Variants in OR9Q1 observed in about 807,000 individuals in gnomAD.
OR9Q1 encodes the protein olfactory receptor 9Q1.
For synonymous variants in OR9Q1, 153 were observed against 148.6 expected, an observed-to-expected ratio of 1.03 and a Z score of -0.22; for missense variants, 374 against 378.8, an observed-to-expected ratio of 0.99 and a Z score of 0.11.
chr11:58,166,072 T>C (rs1854501668), intron 2 of OR9Q1, among the ~76,000 whole-genome samples: 1 of 152,212 alleles, frequency 6.6e-6, no homozygotes, highest in African/African-American at 2.4e-5. Flanking sequence ...ATAATGATGA[T>C]TGCTACTAAC....
intron 2 of OR9Q1, among the ~76,000 whole-genome samples, chr11:58,110,214 C>T (rs1371842499): frequency 6.6e-6 from 1 of 152,158 alleles, no homozygotes; most frequent in African/African-American, 2.4e-5. Flanking sequence ...TTCTATACCT[C>T]CTACACATTA....
chr11:58,077,095 T>A (rs1853544786), intron 2 of OR9Q1, among the ~76,000 whole-genome samples: 2 of 152,118 alleles, frequency 1.3e-5, no homozygotes, highest in South Asian at 2.1e-4. Context: ...CAAGATGACT[T>A]TAAAAGTCAC....
chr11:58,037,677 ATATATATATATATTTTTTTTTTTTTTTTT>A (rs1853115599), intron 1 of OR9Q1, among the ~76,000 whole-genome samples: 2 of 32,370 alleles, frequency 6.2e-5, no homozygotes, highest in South Asian at 7.6e-4. Context: ...ATATATATAT[ATATATATATATATTTTTTTTTTTTTTTTT>A]TTTTTTTTTT....
At chr11:58,068,351 GAAAA>G (rs569931713) in intron 2 of OR9Q1, among the ~76,000 whole-genome samples, 1 of 109,738 alleles carries the variant, frequency 9.1e-6, no homozygotes, top group Non-Finnish European at 2.0e-5. Flanking sequence ...GTCTCAAAAA[GAAAA>G]AAAAAAAAGA....
At chr11:58,100,668 C>A (rs2441970) in intron 2 of OR9Q1, among the ~76,000 whole-genome samples, 65,356 of 151,508 alleles carry the variant, frequency 0.43, 14,830 homozygotes, top group African/African-American at 0.56. Flanking sequence ...TTTGTGTCTA[C>A]TGAAACTATT....
chr11:58,046,800 T>C (rs1853221085), intron 1 of OR9Q1, among the ~76,000 whole-genome samples: 1 of 151,940 alleles, frequency 6.6e-6, no homozygotes, highest in African/African-American at 2.4e-5. Context: ...GAGGCAGAGG[T>C]TGCAGTGAGC....
At chr11:58,079,997 G>A (rs1853573841) in intron 2 of OR9Q1, among the ~76,000 whole-genome samples, 1 of 152,076 alleles carries the variant, frequency 6.6e-6, no homozygotes, top group Non-Finnish European at 1.5e-5. Context: ...TAAATACCTA[G>A]TTCTACAAAA....
At chr11:58,147,013 A>G (rs1242695814) in intron 2 of OR9Q1, among the ~76,000 whole-genome samples, 3 of 152,198 alleles carry the variant, frequency 2.0e-5, no homozygotes, top group Non-Finnish European at 2.9e-5. Flanking sequence ...TGATGAGTGG[A>G]AAGGACGCTG....
intron 2 of OR9Q1, among the ~76,000 whole-genome samples, chr11:58,170,092 G>A (rs1290004976): frequency 6.6e-6 from 1 of 152,068 alleles, no homozygotes; most frequent in Non-Finnish European, 1.5e-5. Flanking sequence ...TTGCTTTGCT[G>A]CCATGGTGGA....
intron 2 of OR9Q1, among the ~76,000 whole-genome samples, chr11:58,143,160 A>C (rs1273953471): frequency 1.3e-5 from 2 of 152,204 alleles, no homozygotes; most frequent in Non-Finnish European, 2.9e-5. Context: ...CATGTCACTC[A>C]TATTATCTCA....
chr11:58,109,704 G>C (rs777869304), intron 2 of OR9Q1: 1 of 397,050 alleles, frequency 2.5e-6, no homozygotes, highest in Middle Eastern at 3.7e-4. Context: ...TAATGAAATT[G>C]AGATTCCAGA....
intron 2 of OR9Q1, chr11:58,119,526 A>G (rs1854004310): frequency 2.1e-6 from 2 of 965,770 alleles, no homozygotes; most frequent in South Asian, 1.8e-5. Context: ...CTTTCCCTCT[A>G]TGGTGGAAGT....
chr11:58,162,380 A>G (rs1184795487), intron 2 of OR9Q1, among the ~76,000 whole-genome samples: 1 of 152,220 alleles, frequency 6.6e-6, no homozygotes, highest in Non-Finnish European at 1.5e-5. Flanking sequence ...TCTAACTTGC[A>G]ACAGTAGCAA....
At chr11:58,133,572 T>C (rs1854163232) in intron 2 of OR9Q1, among the ~76,000 whole-genome samples, 1 of 152,240 alleles carries the variant, frequency 6.6e-6, no homozygotes, top group Non-Finnish European at 1.5e-5. Context: ...TCCTTATCTA[T>C]AACATGGAAC....
intron 2 of OR9Q1, among the ~76,000 whole-genome samples, chr11:58,138,149 A>T (rs1854207003): frequency 6.6e-6 from 1 of 151,412 alleles, no homozygotes; most frequent in East Asian, 1.9e-4. Context: ...CAATCATGTC[A>T]CTCTCCCCAT....
At chr11:58,119,484 AT>A (rs2120131866) in intron 2 of OR9Q1, 1 of 1,276,878 alleles carries the variant, frequency 7.8e-7, no homozygotes, top group East Asian at 2.3e-5. Context: ...TGATAATGAA[AT>A]AAAAAGAATC....
chr11:58,109,138 T>A (rs1391057461), intron 2 of OR9Q1: 1 of 504,250 alleles, frequency 2.0e-6, no homozygotes, highest in Non-Finnish European at 4.0e-6. Flanking sequence ...GAAGAAGAAG[T>A]TGATCTGATT....
At chr11:58,101,900 C>T (rs1338343993) in intron 2 of OR9Q1, among the ~76,000 whole-genome samples, 1 of 152,138 alleles carries the variant, frequency 6.6e-6, no homozygotes, top group Non-Finnish European at 1.5e-5. Flanking sequence ...GTGTGCACCA[C>T]CACACCTGGC....
At chr11:58,033,379 TA>T (rs1284630695) in intron 1 of OR9Q1, among the ~76,000 whole-genome samples, 2 of 152,112 alleles carry the variant, frequency 1.3e-5, no homozygotes, top group Non-Finnish European at 2.9e-5. Flanking sequence ...GTAGATTGGA[TA>T]AAGAAAATGC....
Sources: allele counts gnomAD v4.1 joint callset (sites outside exome capture counted in the v4.1 genomes callset), GRCh38; gene constraint gnomAD v4.1.1; transcripts MANE v1.5; gene names NCBI Gene and HGNC (gene_info 2026-07-23, HGNC 2026-07-21).